CDH18: variants seen among roughly 807,000 people sequenced by gnomAD.
CDH18 encodes the protein cadherin 18.
CDH18 carries 31 observed loss-of-function variants against 67.9 expected under a neutral mutation model. The ratio of observed to expected loss-of-function variants is 0.46; its 90% CI spans 0.34 to 0.62. The LOEUF (loss-of-function observed/expected upper bound fraction) is 0.62. CDH18 is among the 20% of genes least tolerant of loss of function. The pLI is 0.01. For missense variants in CDH18, 890 were observed against 975.5 expected (o/e 0.91, Z 1.17); for synonymous variants, 362 against 347.2 (o/e 1.04, Z -0.48).
In CDH18 at chr5:19,492,818, C is replaced by A. The variant is rs991198158; in HGVS notation, c.1631-9266G>T. ...TTAATAAATTGGGAGAAATAACTTT[C>A]CAGATAAATACGGAGGATTTCTTGG... is the stretch of plus-strand genomic sequence containing the variant. On this transcript the variant is annotated intron_variant, in intron 11 of 12. Transcript: ENST00000382275. 3.3e-5 allele frequency among the ~76,000 whole-genome samples: 5 copies of A among 152,086 alleles called. No individual in the cohort carries two copies. In the South Asian group the frequency reaches 6.2e-4, roughly 19 times the overall value.
intron 11 of CDH18, among the ~76,000 whole-genome samples, chr5:19,489,096 T>C (rs1208592993): frequency 2.0e-5 from 3 of 152,174 alleles, no homozygotes; most frequent in Non-Finnish European, 4.4e-5. Context: ...CCATTGTCTA[T>C]TTCTGCTTTG....
chr5:20,488,945 A>G (rs927875706), intron 1 of CDH18, among the ~76,000 whole-genome samples: 3 of 152,044 alleles, frequency 2.0e-5, no homozygotes, highest in African/African-American at 7.2e-5. Flanking sequence ...ATACATGTAT[A>G]TCTCAACATT....
chr5:20,548,439 T>G (rs942930100), intron 1 of CDH18, among the ~76,000 whole-genome samples: 1 of 146,778 alleles, frequency 6.8e-6, no homozygotes, highest in South Asian at 2.2e-4. Context: ...GAGAACATGT[T>G]TGTGTGTGTG....
chr5:19,697,132 A>G (rs1267390177), intron 5 of CDH18, among the ~76,000 whole-genome samples: 1 of 152,228 alleles, frequency 6.6e-6, no homozygotes, highest in Non-Finnish European at 1.5e-5. Context: ...TAATGCTTGT[A>G]TTAAGAAAAA....
chr5:20,276,008 A>T (rs929378638), intron 1 of CDH18, among the ~76,000 whole-genome samples: 1 of 152,146 alleles, frequency 6.6e-6, no homozygotes, highest in African/African-American at 2.4e-5. Flanking sequence ...GCCAGAGGGA[A>T]ATTACCCACC....
chr5:20,166,450 A>G (rs1424078646), intron 2 of CDH18, among the ~76,000 whole-genome samples: 3 of 139,186 alleles, frequency 2.2e-5, no homozygotes, highest in Non-Finnish European at 4.5e-5. Flanking sequence ...AAAAAAAAAA[A>G]AAAAGAAAAG....
chr5:19,878,315 A>G (rs1787261638), intron 2 of CDH18, among the ~76,000 whole-genome samples: 1 of 152,118 alleles, frequency 6.6e-6, no homozygotes, highest in African/African-American at 2.4e-5. Flanking sequence ...ACCTTCAACC[A>G]TCATTCTAAA....
intron 1 of CDH18, among the ~76,000 whole-genome samples, chr5:20,355,990 A>C (rs1741574901): frequency 1.3e-5 from 2 of 152,244 alleles, no homozygotes; most frequent in Admixed American, 1.3e-4. Context: ...TACAAAATAT[A>C]CTTTATTTAC....
chr5:19,947,321 C>T (rs1795360876), intron 2 of CDH18, among the ~76,000 whole-genome samples: 1 of 151,408 alleles, frequency 6.6e-6, no homozygotes, highest in Non-Finnish European at 1.5e-5. Context: ...AATTAACCCA[C>T]AAAAAAATCA....
Position 19,770,950 on chromosome 5 carries a change from C to G in CDH18, c.229-23714G>C, listed in dbSNP as rs1039927496. Among the ~76,000 whole-genome samples, 3 of 152,092 alleles carry G rather than the reference C, an allele frequency of 2.0e-5. No individual in the cohort carries two copies. In the South Asian group the frequency reaches 6.2e-4, roughly 31 times the overall value. The stretch of plus-strand genomic sequence containing the variant: ...TTAAATATCTAGAATTTATAAACAG[C>G]ACAACTCAACAAAAAGGCAATTAGT... On this transcript the variant is annotated intron_variant, in intron 3 of 12. Transcript: ENST00000382275.
chr5:19,505,952 CT>C (rs1178537636), intron 10 of CDH18, among the ~76,000 whole-genome samples: 10 of 152,010 alleles, frequency 6.6e-5, no homozygotes, highest in East Asian at 1.9e-4. Context: ...TAGTCCTGGA[CT>C]TTTTTTGGTT....
intron 1 of CDH18, among the ~76,000 whole-genome samples, chr5:20,401,225 C>T (rs537037700): frequency 1.9e-4 from 29 of 152,152 alleles, no homozygotes; most frequent in Non-Finnish European, 2.2e-4. Context: ...TTTCTAATTT[C>T]GAATATATTT....
intron 2 of CDH18, among the ~76,000 whole-genome samples, chr5:20,009,543 C>T (rs1391999788): frequency 6.6e-6 from 1 of 152,048 alleles, no homozygotes; most frequent in African/African-American, 2.4e-5. Flanking sequence ...ATCAGTTTAA[C>T]TGGTGGCGAG....
chr5:19,514,024 G>A (rs142857495), intron 10 of CDH18, among the ~76,000 whole-genome samples: 203 of 152,098 alleles, frequency 1.3e-3, no homozygotes, highest in East Asian at 3.5e-3. Context: ...AGGCCCCAGC[G>A]TGTGATGTTC....
chr5:19,495,712 T>G (rs1355345919), intron 11 of CDH18, among the ~76,000 whole-genome samples: 2 of 79,082 alleles, frequency 2.5e-5, no homozygotes, highest in African/African-American at 1.1e-4. Context: ...AGAGTGAAAC[T>G]GTCTCAAAAA....
chr5:20,513,378 C>A (rs1755163518), intron 1 of CDH18, among the ~76,000 whole-genome samples: 1 of 152,052 alleles, frequency 6.6e-6, no homozygotes, highest in Admixed American at 6.6e-5. Context: ...TTTTTAATTT[C>A]TGTGAAAATG....
intron 1 of CDH18, among the ~76,000 whole-genome samples, chr5:20,456,642 T>C (rs1017129602): frequency 9.2e-5 from 14 of 152,188 alleles, no homozygotes; most frequent in African/African-American, 3.4e-4. Flanking sequence ...ATCACATAAC[T>C]ATCATTTATT....
chr5:20,111,384 A>C (rs1400514305), intron 2 of CDH18, among the ~76,000 whole-genome samples: 1 of 152,028 alleles, frequency 6.6e-6, no homozygotes, highest in Non-Finnish European at 1.5e-5. Flanking sequence ...TTACCAGTCT[A>C]GTTTTCTTTC....
rs923629234 is a variant in CDH18, at chr5:20,136,306, T to C, written c.-518+119138A>G. ...TTGGGTGCATAAATATTTAGGATAG[T>C]TAGCTCTTCTTGTTGAATTGATCCC... is the stretch of plus-strand genomic sequence containing the variant. On this transcript the variant is annotated intron_variant, in intron 2 of 14. Transcript: ENST00000507958. 2.6e-5 allele frequency among the ~76,000 whole-genome samples: 4 copies of C among 152,332 alleles called. No homozygotes were observed. The South Asian group carries it at 8.3e-4, about 32-fold the overall frequency.
Sources: gnomAD v4.1 joint callset for allele counts (sites outside exome capture counted in the v4.1 genomes callset) on GRCh38, gnomAD v4.1.1 for gene constraint, MANE v1.5 for transcripts, NCBI Gene and HGNC (gene_info 2026-07-23, HGNC 2026-07-21) for gene names.